Variants in RIMBP2 observed in about 807,000 individuals in gnomAD.
RIMBP2 encodes the protein RIMS binding protein 2.
RIMBP2 carries 48 observed loss-of-function variants against 118.6 expected under a neutral mutation model. That is an observed-to-expected ratio of 0.40 (90% confidence interval 0.32 to 0.51). The LOEUF (loss-of-function observed/expected upper bound fraction) is 0.51. Among genes scored for constraint, RIMBP2 ranks in the 20% least tolerant of loss-of-function variants. RIMBP2 has a pLI of 0.41. For missense variants in RIMBP2, 1,551 were observed against 1,768.3 expected, an observed-to-expected ratio of 0.88 and a Z score of 2.20; for synonymous variants, 762 against 742.9, an observed-to-expected ratio of 1.03 and a Z score of -0.42.
At position 130,431,648 on chromosome 12, in the gene RIMBP2, TA is replaced by T. The variant is rs1173867131; in HGVS notation, c.2253+3085del. 1 of 154,654 alleles carries T rather than the reference TA, an allele frequency of 6.5e-6. No individual in the cohort carries two copies. Among genetic ancestry groups the T allele is most frequent in the Non-Finnish European group, 1.4e-5 (1 of 70,238 alleles). The allele number at this position is 154,654 out of a possible 1,614,324, so 9.6% of individuals were successfully genotyped here. ...AACATAAAACAATGCTGCTAAATAT[TA>T]ACGCTTTTTAAATTTTAATAGAAAC... On this transcript the variant is annotated intron_variant, in intron 14 of 22. Transcript: ENST00000690449. This position sits in a 1 kb window ranked among gnomAD's most constrained non-coding sequence, Gnocchi z 4.0.
intron 6 of RIMBP2, chr12:130,470,477 C>T (rs891178212): frequency 1.3e-5 from 5 of 387,806 alleles, no homozygotes; most frequent in Non-Finnish European, 1.4e-5. Context: ...TGCTTAACCT[C>T]TCTGTGCCTC....
In RIMBP2 at chr12:130,475,469, C is replaced by T. The variant is rs1311316383; in HGVS notation, c.102+3443G>A. On this transcript the variant is annotated intron_variant, in intron 5 of 22. Coordinates refer to ENST00000690449, the MANE Select transcript of RIMBP2 (RefSeq NM_001393629.1). The surrounding 1 kb of genome is among the most constrained non-coding windows in gnomAD (Gnocchi z 4.1). ...GTATTTCAGGAAAAATAAACTCCTG[C>T]CTCACATTGCACATCAAGAAAAACA... 6.6e-6 allele frequency among the ~76,000 whole-genome samples: 1 copy of T among 152,120 alleles called. No homozygotes were observed. The highest frequency in any genetic ancestry group is 1.9e-4 in the East Asian group (1 of 5,176).
At chr12:130,642,574 C>G (rs1243029281) in intron 1 of RIMBP2, among the ~76,000 whole-genome samples, 1 of 152,214 alleles carries the variant, frequency 6.6e-6, no homozygotes, top group Non-Finnish European at 1.5e-5. Context: ...CGTGAGCCAC[C>G]ATGCCCAGCC....
intron 1 of RIMBP2, among the ~76,000 whole-genome samples, chr12:130,644,379 C>T (rs11061049): frequency 6.6e-6 from 1 of 151,994 alleles, no homozygotes; most frequent in African/African-American, 2.4e-5. Context: ...TTAAGAGCAC[C>T]GTAAGATCCA....
intron 2 of RIMBP2, among the ~76,000 whole-genome samples, chr12:130,540,390 C>T (rs1193720147): frequency 6.6e-6 from 1 of 152,106 alleles, no homozygotes; most frequent in Non-Finnish European, 1.5e-5. Context: ...TTGAAATCAC[C>T]CCAGTTGTCC....
At chr12:130,633,394 G>A (rs540072813) in intron 1 of RIMBP2, among the ~76,000 whole-genome samples, 3 of 152,244 alleles carry the variant, frequency 2.0e-5, no homozygotes, top group Non-Finnish European at 4.4e-5. Flanking sequence ...CCACCAGAAC[G>A]GTGAATTCCT....
intron 1 of RIMBP2, among the ~76,000 whole-genome samples, chr12:130,664,398 C>CACGCAT (rs1566438844): frequency 6.1e-5 from 6 of 97,734 alleles, no homozygotes; most frequent in East Asian, 3.0e-4. Flanking sequence ...TGCACACACA[C>CACGCAT]GCACGCACGC....
chr12:130,679,559 G>T (rs2064668000), intron 1 of RIMBP2, among the ~76,000 whole-genome samples: 1 of 152,210 alleles, frequency 6.6e-6, no homozygotes, highest in Non-Finnish European at 1.5e-5. Flanking sequence ...AGGTCCTGAG[G>T]TGTCCTGTCT....
At chr12:130,684,076 G>C (rs919725458) in intron 1 of RIMBP2, among the ~76,000 whole-genome samples, 1 of 152,126 alleles carries the variant, frequency 6.6e-6, no homozygotes, top group Non-Finnish European at 1.5e-5. Flanking sequence ...TCTGAAGCCT[G>C]CTGTCTGGAG....
chr12:130,406,981 C>A (rs959461688), intron 20 of RIMBP2, among the ~76,000 whole-genome samples: 2 of 152,210 alleles, frequency 1.3e-5, no homozygotes, highest in African/African-American at 4.8e-5. Context: ...GGCCGGGCTG[C>A]AGCCCCAAAG....
rs548368433 is a variant in RIMBP2, at chr12:130,666,301, C to T, written c.-351-37845G>A. On this transcript the variant is annotated intron_variant, in intron 1 of 22. Transcript: ENST00000690449. ...AGAGAGTCTAAAACATGGCACACCC[C>T]TCGCTTCTAAGGGGCTTGGCACAGG... is the stretch of plus-strand genomic sequence containing the variant. Among the ~76,000 whole-genome samples the T allele has an allele frequency of 6.6e-5, 10 of 152,192 alleles. 1 individual carries two copies. The highest frequency in any genetic ancestry group is 2.2e-4 in the African/African-American group (9 of 41,492).
At chr12:130,644,040 G>A (rs1034342631) in intron 1 of RIMBP2, among the ~76,000 whole-genome samples, 2 of 152,234 alleles carry the variant, frequency 1.3e-5, no homozygotes, top group Non-Finnish European at 1.5e-5. Context: ...CCTGAGGCAG[G>A]AGCTGGAGCC....
chr12:130,613,294 G>A (rs1381653170), intron 2 of RIMBP2, among the ~76,000 whole-genome samples: 1 of 152,214 alleles, frequency 6.6e-6, no homozygotes, highest in Non-Finnish European at 1.5e-5. Context: ...CGCCCCGCCA[G>A]AGGGCCAGTG....
intron 2 of RIMBP2, among the ~76,000 whole-genome samples, chr12:130,548,280 G>A (rs186528658): frequency 6.6e-5 from 10 of 152,198 alleles, no homozygotes; most frequent in East Asian, 5.8e-4. Context: ...CTGAAGCCCC[G>A]TATCTCTCTA....
intron 21 of RIMBP2, among the ~76,000 whole-genome samples, chr12:130,403,031 C>T (rs1362632620): frequency 1.3e-5 from 2 of 152,152 alleles, no homozygotes; most frequent in African/African-American, 4.8e-5. Flanking sequence ...GGGGTCCCTG[C>T]TTACGCTTGT....
At chr12:130,479,133 A>T (rs1245233399) in intron 4 of RIMBP2, 117 bp from the exon 5 acceptor site, 1 of 675,182 alleles carries the variant, frequency 1.5e-6, no homozygotes, top group African/African-American at 1.8e-5. Flanking sequence ...GCAGCCCCTC[A>T]CCGCCCCACA....
At chr12:130,489,151 G>A (rs1349957183) in intron 4 of RIMBP2, among the ~76,000 whole-genome samples, 1 of 152,224 alleles carries the variant, frequency 6.6e-6, no homozygotes, top group Non-Finnish European at 1.5e-5. Flanking sequence ...ATTTTACAAT[G>A]TCTTCAAGTA....
chr12:130,450,293 G>A lies in RIMBP2; in HGVS notation c.505-17C>T. 2.3e-5 allele frequency: 36 copies of A among 1,585,480 alleles called. No homozygotes were observed. Among genetic ancestry groups the A allele is most frequent in the Non-Finnish European group, 2.9e-5 (34 of 1,158,970 alleles). Reference sequence around the variant, plus strand: ...ATTCTCCATCTGTGAAAAAGGCAATGGGTGTGTGGGTTATTGAAGCTGGAG... The same window carrying A: ...ATTCTCCATCTGTGAAAAAGGCAATAGGTGTGTGGGTTATTGAAGCTGGAG... On this transcript the variant is annotated splice_polypyrimidine_tract_variant and intron_variant, in intron 8 of 22. Coordinates refer to ENST00000690449, the MANE Select transcript of RIMBP2 (RefSeq NM_001393629.1). This position sits in a 1 kb window ranked among gnomAD's most constrained non-coding sequence, Gnocchi z 4.8.
chr12:130,615,151 ATATAT>A (rs1271402090), intron 2 of RIMBP2, among the ~76,000 whole-genome samples: 1 of 146,580 alleles, frequency 6.8e-6, no homozygotes, highest in Non-Finnish European at 1.5e-5. Context: ...GTATATACAT[ATATAT>A]TATATTGTAT....
Sources: allele counts gnomAD v4.1 joint callset (sites outside exome capture counted in the v4.1 genomes callset), GRCh38; gene constraint gnomAD v4.1.1; non-coding constraint Gnocchi (gnomAD v3.1); transcripts MANE v1.5; gene names NCBI Gene and HGNC (gene_info 2026-07-23, HGNC 2026-07-21).